Variants in SCUBE2 observed in about 807,000 individuals in gnomAD.
SCUBE2 encodes the protein signal peptide, CUB and EGF-like domain-containing protein 2.
A neutral mutation model predicts 125.9 loss-of-function variants in SCUBE2; 114 were observed. The observed-to-expected ratio is 0.91, with a 90% CI of 0.78 to 1.06. The LOEUF is 1.06. Among genes scored for constraint, SCUBE2 ranks in the 50% least tolerant of loss-of-function variants. The pLI is 0.00. For missense variants in SCUBE2, 1,255 were observed against 1,301.8 expected (o/e 0.96, Z 0.55); for synonymous variants, 459 against 492.9 (o/e 0.93, Z 0.91).
At position 9,021,925 on chromosome 11, in the gene SCUBE2, A is replaced by T; in HGVS notation, c.2885T>A (p.Val962Asp). 1 of 1,613,956 alleles carries T rather than the reference A, an allele frequency of 6.2e-7. No individual in the cohort carries two copies. The highest frequency in any genetic ancestry group is 8.5e-7 in the Non-Finnish European group (1 of 1,179,826). Reference sequence around the variant, plus strand: ...AGATGCATAGAGCCTGCCATCTCGAACTATGTCTTCAATGAGTTCCTGGTA... The same window carrying T: ...AGATGCATAGAGCCTGCCATCTCGATCTATGTCTTCAATGAGTTCCTGGTA... ...EDYQELIEDI[V>D]RDGRLYASEN... Residue 962 changes from valine (V) to aspartate (D), a missense_variant, in exon 22 of 23, where the codon GTT becomes GAT. By Grantham distance (152) the Val-to-Asp change is radical. This residue lies in a region of SCUBE2 where 515 missense variants were observed against 515.7 expected (regional missense o/e 1.00). Coordinates refer to ENST00000649792, the MANE Select transcript of SCUBE2 (RefSeq NM_001367977.2).
In SCUBE2 at chr11:9,053,093, A is replaced by T; in HGVS notation, c.1447+6T>A. 3 of 1,612,320 alleles carry T rather than the reference A, an allele frequency of 1.9e-6. No individual in the cohort carries two copies. The highest frequency in any genetic ancestry group is 1.7e-6 in the Non-Finnish European group (2 of 1,178,416). On this transcript the variant is annotated splice_donor_region_variant and intron_variant, in intron 12 of 22. Transcript: ENST00000649792. The stretch of plus-strand genomic sequence containing the variant: ...GGACCTGCCCCGGGAACTGGGCCCC[A>T]CTCACCTGAAGAGAGGTGAATGCCA...
At chr11:9,052,120 C>T (rs548403307) in intron 13 of SCUBE2, among the ~76,000 whole-genome samples, 112 of 152,312 alleles carry the variant, frequency 7.4e-4, no homozygotes, top group African/African-American at 2.6e-3. Context: ...TCAGTTAATT[C>T]GTGTACTATG....
intron 2 of SCUBE2, among the ~76,000 whole-genome samples, chr11:9,086,256 C>T (rs1299744374): frequency 6.6e-6 from 1 of 152,194 alleles, no homozygotes; most frequent in Non-Finnish European, 1.5e-5. Context: ...AGGGCTCACA[C>T]ATTTCTCCAA....
intron 16 of SCUBE2, among the ~76,000 whole-genome samples, chr11:9,036,890 T>C (rs1856791637): frequency 6.6e-6 from 1 of 152,242 alleles, no homozygotes; most frequent in Admixed American, 6.5e-5. Context: ...CCCTTCAGGC[T>C]GCCCTGTGGA....
At chr11:9,088,796 C>T (rs1862348937) in intron 2 of SCUBE2, among the ~76,000 whole-genome samples, 3 of 152,190 alleles carry the variant, frequency 2.0e-5, no homozygotes, top group African/African-American at 7.2e-5. Flanking sequence ...TGGGATTTCT[C>T]ACTCATCCAA....
At chr11:9,033,920 G>C in intron 16 of SCUBE2, 124 bp from the exon 17 acceptor site, 1 of 894,606 alleles carries the variant, frequency 1.1e-6, no homozygotes, top group Non-Finnish European at 1.8e-6. Context: ...CAAACTCCCT[G>C]AATACGCAGT....
intron 2 of SCUBE2, among the ~76,000 whole-genome samples, chr11:9,081,230 A>C (rs565904022): frequency 1.3e-5 from 2 of 152,210 alleles, no homozygotes; most frequent in Admixed American, 6.5e-5. Context: ...GTACAGTTGG[A>C]TATAATTAAA....
At chr11:9,065,382 C>T (rs896016089) in intron 7 of SCUBE2, among the ~76,000 whole-genome samples, 1 of 152,144 alleles carries the variant, frequency 6.6e-6, no homozygotes, top group African/African-American at 2.4e-5. Context: ...CATTTATTCT[C>T]CTTCCTGCCA....
intron 6 of SCUBE2, 114 bp downstream of exon 6, chr11:9,066,583 G>A (rs552388190): frequency 1.6e-5 from 14 of 848,638 alleles, no homozygotes; most frequent in Admixed American, 7.4e-5. Context: ...GGGCCTGCTG[G>A]GGGGGCAAAT....
chr11:9,020,932 G>C lies in SCUBE2; in HGVS notation c.*113C>G. Reference sequence around the variant, plus strand: ...ATCTATAAAAATTGAACTCTAATGAGTCACTGATACGGGAGGCAGCAATAC... The same window carrying C: ...ATCTATAAAAATTGAACTCTAATGACTCACTGATACGGGAGGCAGCAATAC... On this transcript the variant is annotated 3_prime_UTR_variant, in exon 23 of 23. Coordinates refer to ENST00000649792, the MANE Select transcript of SCUBE2 (RefSeq NM_001367977.2). 1.1e-6 allele frequency: 1 copy of C among 919,106 alleles called. No homozygotes were observed. The highest frequency in any genetic ancestry group is 1.6e-6 in the Non-Finnish European group (1 of 629,392). 56.9% of individuals were successfully genotyped at this position (919,106 alleles called of 1,614,324 possible).
At chr11:9,084,444 C>A (rs1024299334) in intron 2 of SCUBE2, among the ~76,000 whole-genome samples, 1 of 152,034 alleles carries the variant, frequency 6.6e-6, no homozygotes, top group East Asian at 1.9e-4. Flanking sequence ...CAGTTGGATG[C>A]TAACATCAGT....
Position 9,053,205 on chromosome 11 carries a change from C to T in SCUBE2, c.1341G>A (p.Gly447=). 1 of 1,613,868 alleles carries T rather than the reference C, an allele frequency of 6.2e-7. No individual in the cohort carries two copies. The highest frequency in any genetic ancestry group is 1.3e-5 in the African/African-American group (1 of 75,048). Residue 447 remains glycine (G), a synonymous_variant, in exon 12 of 23, where the codon GGG becomes GGA. Transcript: ENST00000649792. ...GGGGTGACACACTTGTGGGCAGGAG[C>T]CCCTTCACTTCTAGACAGGACAAAA... ...WNKKDCVEVK[G]LLPTSVSPRV... is the part of the protein sequence containing the mutation.
At chr11:9,084,580 T>C (rs565985709) in intron 2 of SCUBE2, among the ~76,000 whole-genome samples, 2 of 152,254 alleles carry the variant, frequency 1.3e-5, no homozygotes, top group East Asian at 3.9e-4. Context: ...GTAAACCCCA[T>C]CTTGCTCAGG....
intron 2 of SCUBE2, among the ~76,000 whole-genome samples, chr11:9,085,855 G>A (rs528120543): frequency 1.8e-4 from 27 of 148,424 alleles, no homozygotes; most frequent in African/African-American, 6.9e-4. Context: ...TTTTAAGACA[G>A]AGTGTCTTGC....
intron 21 of SCUBE2, chr11:9,024,052 G>A (rs1855526722): frequency 3.8e-6 from 1 of 265,022 alleles, no homozygotes; most frequent in Non-Finnish European, 5.8e-6. Context: ...TCTCTGTGGG[G>A]AAAATAGCAG....
chr11:9,065,894 T>C lies in SCUBE2; in HGVS notation c.847A>G (p.Met283Val), dbSNP rs960401118. The C allele has an allele frequency of 3.7e-6, 6 of 1,613,870 alleles. No homozygotes were observed. Among genetic ancestry groups the C allele is most frequent in the African/African-American group, 1.3e-5 (1 of 74,920 alleles). ...GAAAGGGAGTGAAGGTGCCTACCCA[T>C]GAGCAGCCGCCGTTTCACCCGTTTA... ...GDKRVKRRLL[M>V]ETCAVNNGGC... The change falls in exon 7 of 23, where the codon ATG becomes GTG. Residue 283 changes from methionine (M) to valine (V), a missense_variant. This residue lies in a region of SCUBE2 where 378 missense variants were observed against 463.1 expected (regional missense o/e 0.82). Coordinates refer to ENST00000649792, the MANE Select transcript of SCUBE2 (RefSeq NM_001367977.2).
chr11:9,084,537 A>AT (rs552305216), intron 2 of SCUBE2, among the ~76,000 whole-genome samples: 71 of 151,574 alleles, frequency 4.7e-4, no homozygotes, highest in South Asian at 1.5e-3. Flanking sequence ...GGGAAAAAAA[A>AT]ATATATAGTA....
chr11:9,061,427 C>T (rs993425139), intron 7 of SCUBE2, among the ~76,000 whole-genome samples: 7 of 152,142 alleles, frequency 4.6e-5, no homozygotes, highest in South Asian at 2.1e-4. Flanking sequence ...GGCCTGGTGA[C>T]GCACACCTGT....
intron 11 of SCUBE2, 46 bp downstream of exon 11, chr11:9,053,591 C>A (rs1436281662): frequency 2.5e-6 from 4 of 1,604,422 alleles, no homozygotes; most frequent in Non-Finnish European, 3.4e-6. Flanking sequence ...TGCCTCTGGG[C>A]CAGTGGCCAG....
Sources: gnomAD v4.1 joint callset for allele counts (sites outside exome capture counted in the v4.1 genomes callset) on GRCh38, gnomAD v4.1.1 for gene constraint, gnomAD v4.1.1 regional missense constraint, MANE v1.5 for transcripts, NCBI Gene and HGNC (gene_info 2026-07-23, HGNC 2026-07-21) for gene names.